The following ZNRF2 variants were observed in gnomAD, a reference collection of about 807,000 sequenced individuals.
ZNRF2 encodes zinc and ring finger 2, also known as E3 ubiquitin-protein ligase ZNRF2.
Under a neutral mutation model 20.4 loss-of-function variants are expected in ZNRF2, and 16 were observed. The ratio of observed to expected loss-of-function variants is 0.79; its 90% CI spans 0.53 to 1.19. The LOEUF is 1.19. Among genes scored for constraint, ZNRF2 ranks in the 50% most tolerant of loss-of-function variants. The pLI is 0.00. For missense variants in ZNRF2, 363 were observed against 332.4 expected, an observed-to-expected ratio of 1.09 and a Z score of -0.72; for synonymous variants, 178 against 144.9, an observed-to-expected ratio of 1.23 and a Z score of -1.64.
At chr7:30,297,056 C>T (rs147812016) in intron 1 of ZNRF2, among the ~76,000 whole-genome samples, 4,575 of 152,216 alleles carry the variant, frequency 0.03, 174 homozygotes, top group African/African-American at 0.089. Flanking sequence ...AATTCAGAGT[C>T]CTTTTCACAC....
intron 2 of ZNRF2, among the ~76,000 whole-genome samples, chr7:30,333,900 T>C (rs1285913830): frequency 6.6e-6 from 1 of 152,196 alleles, no homozygotes; most frequent in East Asian, 1.9e-4. Flanking sequence ...TATTAGTCCT[T>C]TGTCGATGCA....
chr7:30,339,532 A>G (rs1251472880), intron 2 of ZNRF2, among the ~76,000 whole-genome samples: 1 of 152,194 alleles, frequency 6.6e-6, no homozygotes. Flanking sequence ...TCCTTTCCCC[A>G]TTGCTTGTTT....
intron 2 of ZNRF2, among the ~76,000 whole-genome samples, chr7:30,327,963 G>T (rs947942368): frequency 6.6e-6 from 1 of 152,078 alleles, no homozygotes; most frequent in Non-Finnish European, 1.5e-5. Flanking sequence ...AATAAAAACC[G>T]TGTATAGTTT....
intron 2 of ZNRF2, among the ~76,000 whole-genome samples, chr7:30,333,644 A>T (rs1213439475): frequency 1.3e-5 from 2 of 152,192 alleles, no homozygotes; most frequent in African/African-American, 4.8e-5. Context: ...TTGGGATTAC[A>T]GGCATTAGCC....
intron 1 of ZNRF2, among the ~76,000 whole-genome samples, chr7:30,317,552 A>G (rs533943833): frequency 1.8e-4 from 28 of 152,338 alleles, no homozygotes; most frequent in Non-Finnish European, 3.5e-4. Context: ...TTGGAGGAAA[A>G]TAATTAAATG....
Position 30,285,318 on chromosome 7 carries a change from C to T in ZNRF2, c.-40C>T. The stretch of plus-strand genomic sequence containing the variant: ...CGCTCGCTCCCGCCCTCCCGGCTCT[C>T]GGGGCGCAGCGCGCGGGCCCGGCCC... On this transcript the variant is annotated 5_prime_UTR_variant, in exon 1 of 5. Coordinates refer to ENST00000323037, the MANE Select transcript of ZNRF2 (RefSeq NM_147128.4). 1.9e-6 allele frequency: 2 copies of T among 1,070,340 alleles called. No individual in the cohort carries two copies. Among genetic ancestry groups the T allele is most frequent in the Non-Finnish European group, 2.3e-6 (2 of 888,358 alleles). 66.3% of individuals were successfully genotyped at this position (1,070,340 alleles called of 1,614,324 possible).
At chr7:30,296,772 T>C (rs1392519391) in intron 1 of ZNRF2, among the ~76,000 whole-genome samples, 1 of 152,234 alleles carries the variant, frequency 6.6e-6, no homozygotes, top group Non-Finnish European at 1.5e-5. Flanking sequence ...AAATTAAGAA[T>C]ATTTAATATT....
At chr7:30,338,663 AT>A (rs1325995702) in intron 2 of ZNRF2, among the ~76,000 whole-genome samples, 2 of 151,898 alleles carry the variant, frequency 1.3e-5, no homozygotes, top group Non-Finnish European at 2.9e-5. Context: ...CATTTTCTTT[AT>A]CCAGTCTTTC....
intron 1 of ZNRF2, among the ~76,000 whole-genome samples, chr7:30,315,739 G>GT (rs1368031178): frequency 1.5e-4 from 13 of 88,668 alleles, no homozygotes; most frequent in African/African-American, 4.1e-4. Context: ...GGGGGGGGGG[G>GT]GTTGGGTATA....
chr7:30,297,536 GAAGTT>G (rs1355462295), intron 1 of ZNRF2, among the ~76,000 whole-genome samples: 1 of 152,132 alleles, frequency 6.6e-6, no homozygotes, highest in Admixed American at 6.5e-5. Context: ...ATTCTAGGTT[GAAGTT>G]ATTTTCCCTG....
intron 1 of ZNRF2, among the ~76,000 whole-genome samples, chr7:30,299,634 A>G (rs1445172611): frequency 6.6e-6 from 1 of 152,000 alleles, no homozygotes; most frequent in East Asian, 1.9e-4. Context: ...TGTAACTGTT[A>G]TTTTTTATAC....
chr7:30,343,526 A>T (rs943112751), intron 2 of ZNRF2, among the ~76,000 whole-genome samples: 2 of 152,120 alleles, frequency 1.3e-5, no homozygotes, highest in Non-Finnish European at 2.9e-5. Context: ...TGCTGCTGTT[A>T]TATGGGTATA....
Position 30,329,085 on chromosome 7 carries a change from C to T in ZNRF2, c.565+5348C>T, listed in dbSNP as rs527592944. On this transcript the variant is annotated intron_variant, in intron 2 of 4. Coordinates refer to ENST00000323037, the MANE Select transcript of ZNRF2 (RefSeq NM_147128.4). ...AGAGGCTCTCTTCATTTCCTTGCTCCTTCTAGGATATTTCAGACAAGCCAA... is the reference window on the plus strand; with the variant it reads ...AGAGGCTCTCTTCATTTCCTTGCTCTTTCTAGGATATTTCAGACAAGCCAA... Among the ~76,000 whole-genome samples the T allele has an allele frequency of 1.6e-4, 24 of 152,156 alleles. No homozygotes were observed. In the South Asian group the frequency reaches 5.0e-3, roughly 32 times the overall value.
intron 2 of ZNRF2, among the ~76,000 whole-genome samples, chr7:30,343,017 A>G (rs1799820221): frequency 2.0e-5 from 3 of 152,074 alleles, no homozygotes; most frequent in African/African-American, 4.8e-5. Flanking sequence ...ATGTAAGGTC[A>G]CTTTTGGCGA....
intron 1 of ZNRF2, among the ~76,000 whole-genome samples, chr7:30,294,469 C>T (rs570534612): frequency 2.0e-5 from 3 of 152,242 alleles, no homozygotes; most frequent in South Asian, 2.1e-4. Flanking sequence ...CCTTTCGTTA[C>T]TTCTAGTGTT....
chr7:30,335,314 GAGAGA>G (rs1467019650), intron 2 of ZNRF2, among the ~76,000 whole-genome samples: 4 of 152,190 alleles, frequency 2.6e-5, no homozygotes, highest in African/African-American at 9.6e-5. Context: ...AAGGAAAGAA[GAGAGA>G]AAACAGTACA....
intron 1 of ZNRF2, among the ~76,000 whole-genome samples, chr7:30,296,948 A>T (rs1380573572): frequency 6.6e-6 from 1 of 152,180 alleles, no homozygotes; most frequent in African/African-American, 2.4e-5. Flanking sequence ...TTATCTGGAG[A>T]TGAGACTTAG....
rs974383025 is a variant in ZNRF2 at position 30,284,661 on chromosome 7, G to A, written c.-697G>A. On this transcript the variant is annotated 5_prime_UTR_variant, in exon 1 of 5. Coordinates refer to ENST00000323037, the MANE Select transcript of ZNRF2 (RefSeq NM_147128.4). Reference sequence around the variant, plus strand: ...CGCGGCCTTCCGGCGCGGGGCCGGGGAACCTCCTCCCCATCTGCGCACCCC... The same window carrying A: ...CGCGGCCTTCCGGCGCGGGGCCGGGAAACCTCCTCCCCATCTGCGCACCCC... 3.2e-5 allele frequency: 5 copies of A among 154,050 alleles called. No individual in the cohort carries two copies. The highest frequency in any genetic ancestry group is 2.0e-4 in the Admixed American group (3 of 15,276). The allele number at this position is 154,050 out of a possible 1,614,324, so 9.5% of individuals were successfully genotyped here.
At chr7:30,303,627 C>CT (rs1185457322) in intron 1 of ZNRF2, among the ~76,000 whole-genome samples, 1 of 152,266 alleles carries the variant, frequency 6.6e-6, no homozygotes, top group Middle Eastern at 3.4e-3. Context: ...AAAAAGGTAT[C>CT]TTTAAGAGTA....
Sources: gnomAD v4.1 joint callset for allele counts (sites outside exome capture counted in the v4.1 genomes callset) on GRCh38, gnomAD v4.1.1 for gene constraint, MANE v1.5 for transcripts, NCBI Gene and HGNC (gene_info 2026-07-23, HGNC 2026-07-21) for gene names.